KCNQ1: variants seen among roughly 807,000 people sequenced by gnomAD.
The protein encoded by KCNQ1 is potassium voltage-gated channel subfamily KQT member 1.
KCNQ1 carries 49 observed loss-of-function variants against 72.4 expected under a neutral mutation model. That is an observed-to-expected ratio of 0.68 (90% CI 0.54 to 0.86). The LOEUF is 0.86. KCNQ1 is among the 40% of genes least tolerant of loss of function. The pLI, the probability that KCNQ1 is intolerant of heterozygous loss-of-function variation, is 0.00. For synonymous variants in KCNQ1, 450 were observed against 412.6 expected (o/e 1.09, Z -1.10); for missense variants, 790 against 945.1 (o/e 0.84, Z 2.15).
chr11:2,747,277 G>A (rs1011816532), intron 11 of KCNQ1, among the ~76,000 whole-genome samples: 2 of 152,264 alleles, frequency 1.3e-5, no homozygotes, highest in African/African-American at 4.8e-5. Flanking sequence ...TGGGGACTGT[G>A]CAAAGGACAT....
At chr11:2,448,638 G>A (rs920017363) in intron 1 of KCNQ1, among the ~76,000 whole-genome samples, 2 of 152,176 alleles carry the variant, frequency 1.3e-5, no homozygotes, top group African/African-American at 4.8e-5. Flanking sequence ...AGGAGGACGG[G>A]GCTCTCTGAG....
In KCNQ1 at chr11:2,776,932, A is replaced by G; in HGVS notation, c.1686-54A>G. 3.9e-6 allele frequency: 6 copies of G among 1,547,468 alleles called. No individual in the cohort carries two copies. The South Asian group carries it at 5.6e-5, about 14-fold the overall frequency. ...CTGTCTGTCCCACAGACGACAGTGC[A>G]TCTGCGCAGTGCCAGGGCCAGGTGT... On this transcript the variant is annotated intron_variant, in intron 13 of 15. Coordinates refer to ENST00000155840, the MANE Select transcript of KCNQ1 (RefSeq NM_000218.3).
In KCNQ1 at chr11:2,730,330, C is replaced by T. The variant is rs139623079; in HGVS notation, c.1515-38514C>T. Among the ~76,000 whole-genome samples the T allele has an allele frequency of 3.2e-3, 482 of 152,332 alleles. 1 individual carries two copies. The highest frequency in any genetic ancestry group is 0.011 in the African/African-American group (459 of 41,566). On this transcript the variant is annotated intron_variant, in intron 11 of 15. Coordinates refer to ENST00000155840, the MANE Select transcript of KCNQ1 (RefSeq NM_000218.3). ...ACAAACTTAGTGGCTTTAAGTGACA[C>T]GTTTATTATCTAACAGCTCTGGAGG...
chr11:2,503,873 A>C (rs1276028887), intron 1 of KCNQ1, among the ~76,000 whole-genome samples: 3 of 152,178 alleles, frequency 2.0e-5, no homozygotes, highest in Non-Finnish European at 4.4e-5. Context: ...ATCCTTGTAC[A>C]CTGTTGGTGG....
At position 2,593,253 on chromosome 11, in the gene KCNQ1, AG is replaced by A. The variant is rs577835741; in HGVS notation, c.1393+4401del. 3.0e-4 allele frequency among the ~76,000 whole-genome samples: 46 copies of A among 152,282 alleles called. No individual in the cohort carries two copies. Among genetic ancestry groups the A allele is most frequent in the African/African-American group, 1.1e-3 (45 of 41,556 alleles). On this transcript the variant is annotated intron_variant, in intron 10 of 15. Transcript: ENST00000155840. The surrounding 1 kb of genome is among the most constrained non-coding windows in gnomAD (Gnocchi z 6.9). ...CGGAGGTGGCCTCCTGAATGCCCCT[AG>A]GAGGCCAGAGGAGACTTCCCCAAAT...
At chr11:2,618,901 G>T in intron 10 of KCNQ1, 1 of 398,040 alleles carries the variant, frequency 2.5e-6, no homozygotes. Context: ...TCATCTTTTT[G>T]GCTAAATTTA....
intron 11 of KCNQ1, among the ~76,000 whole-genome samples, chr11:2,742,840 C>T (rs1389087830): frequency 6.6e-6 from 1 of 152,138 alleles, no homozygotes; most frequent in Non-Finnish European, 1.5e-5. Flanking sequence ...CTTAGGGACC[C>T]CCGAGTAAGC....
rs1564871698 is a variant in KCNQ1 at position 2,723,083 on chromosome 11, G to A, written c.1515-45761G>A. Among the ~76,000 whole-genome samples, 1 of 152,224 alleles carries A rather than the reference G, an allele frequency of 6.6e-6. No homozygotes were observed. The highest frequency in any genetic ancestry group is 6.5e-5 in the Admixed American group (1 of 15,286). On this transcript the variant is annotated intron_variant, in intron 11 of 15. Coordinates refer to ENST00000155840, the MANE Select transcript of KCNQ1 (RefSeq NM_000218.3). This position sits in a 1 kb window ranked among gnomAD's most constrained non-coding sequence, Gnocchi z 4.2. Reference sequence around the variant, plus strand: ...CAGGGTGGTCTGAGCGGAGAGGACAGGGGGGATCCCAGACGGATCCTGAAA... The same window carrying A: ...CAGGGTGGTCTGAGCGGAGAGGACAAGGGGGATCCCAGACGGATCCTGAAA...
rs1847828416 is a variant in KCNQ1, at chr11:2,541,747, G to GAC, written c.477+13729_477+13730insAC. On this transcript the variant is annotated intron_variant, in intron 2 of 15. Coordinates refer to ENST00000155840, the MANE Select transcript of KCNQ1 (RefSeq NM_000218.3). The surrounding 1 kb of genome is among the most constrained non-coding windows in gnomAD (Gnocchi z 4.8). ...ATGAGGACATCTGTTAGACCACTTAGGAGTTCTAGAACCTTTGGAAAACCC... is the reference window on the plus strand; with the variant it reads ...ATGAGGACATCTGTTAGACCACTTAGACGAGTTCTAGAACCTTTGGAAAACCC... Among the ~76,000 whole-genome samples, 1 of 150,638 alleles carries GAC rather than the reference G, an allele frequency of 6.6e-6. No homozygotes were observed. The highest frequency in any genetic ancestry group is 1.5e-5 in the Non-Finnish European group (1 of 67,840).
intron 10 of KCNQ1, chr11:2,615,007 A>G (rs906402808): frequency 1.3e-5 from 5 of 398,300 alleles, no homozygotes; most frequent in African/African-American, 1.0e-4. Context: ...AACAATATTT[A>G]ATCTTCCAAT....
chr11:2,683,297 A>C lies in KCNQ1; in HGVS notation c.1514+21216A>C. On this transcript the variant is annotated intron_variant, in intron 11 of 15. Coordinates refer to ENST00000155840, the MANE Select transcript of KCNQ1 (RefSeq NM_000218.3). The surrounding 1 kb of genome is among the most constrained non-coding windows in gnomAD (Gnocchi z 4.7). ...TATGGGCAATGGCGTTTTAGTTTGC[A>C]AAACCAGACACATAGAGGCCAGGTT... is the stretch of plus-strand genomic sequence containing the variant. 1 of 398,600 alleles carries C rather than the reference A, an allele frequency of 2.5e-6. No individual in the cohort carries two copies. Among genetic ancestry groups the C allele is most frequent in the East Asian group, 3.6e-5 (1 of 28,074 alleles). The allele number at this position is 398,600 out of a possible 1,614,324, so 24.7% of individuals were successfully genotyped here.
At chr11:2,839,560 G>T (rs895242551) in intron 15 of KCNQ1, among the ~76,000 whole-genome samples, 1 of 152,166 alleles carries the variant, frequency 6.6e-6, no homozygotes, top group Non-Finnish European at 1.5e-5. Flanking sequence ...ATGACGAGGT[G>T]AGGGCTGAGC....
chr11:2,571,466 G>A (rs934847614), intron 4 of KCNQ1, 63 bp downstream of exon 4: 39 of 1,410,472 alleles, frequency 2.8e-5, no homozygotes, highest in South Asian at 4.6e-5. Context: ...CTCCTGAGCC[G>A]CGGGTGGTCT....
chr11:2,588,715 A>G lies in KCNQ1; in HGVS notation c.1254A>G (p.Val418=). ...PSPKPKKSVV[V]KKKKFKLDKD... is the part of the protein sequence containing the mutation. ...ATCTGTTGTCTTGTTTTTTTTAGGT[A>G]AAGAAAAAAAAGTTCAAGCTGGACA... Residue 418 remains valine, a splice_region_variant and synonymous_variant, in exon 10 of 16, where the codon GTA becomes GTG. Coordinates refer to ENST00000155840, the MANE Select transcript of KCNQ1 (RefSeq NM_000218.3). The surrounding 1 kb of genome is among the most constrained non-coding windows in gnomAD (Gnocchi z 5.6). The G allele has an allele frequency of 6.2e-7, 1 of 1,613,324 alleles. No homozygotes were observed. The highest frequency in any genetic ancestry group is 1.1e-5 in the South Asian group (1 of 90,994).
At chr11:2,456,752 T>A (rs1846196240) in intron 1 of KCNQ1, among the ~76,000 whole-genome samples, 2 of 113,604 alleles carry the variant, frequency 1.8e-5, no homozygotes, top group African/African-American at 3.9e-5. Context: ...AAACCCTGTC[T>A]CTACTAAAAA....
intron 10 of KCNQ1, chr11:2,644,706 A>G (rs77048839): frequency 0.013 from 5,108 of 398,424 alleles, 157 homozygotes; most frequent in East Asian, 0.079. Flanking sequence ...TTCCTAAGAG[A>G]GTCTTGTTCC....
chr11:2,807,160 T>C (rs1847391632), intron 15 of KCNQ1, among the ~76,000 whole-genome samples: 1 of 152,220 alleles, frequency 6.6e-6, no homozygotes, highest in African/African-American at 2.4e-5. Context: ...AATTATTCTC[T>C]TGAGGAAAGA....
intron 3 of KCNQ1, 119 bp downstream of exon 3, chr11:2,570,873 G>C: frequency 1.4e-6 from 2 of 1,411,348 alleles, no homozygotes; most frequent in East Asian, 2.3e-5. Flanking sequence ...AGGCCAGCAG[G>C]GGGTGACTGC....
At chr11:2,776,840 C>G (rs1430804761) in intron 13 of KCNQ1, 146 bp from the exon 14 acceptor site, 28 of 780,920 alleles carry the variant, frequency 3.6e-5, no homozygotes, top group Non-Finnish European at 6.7e-6. Context: ...AGTGACCTGG[C>G]AGGCCTTAGG....
Sources: gnomAD v4.1 joint callset for allele counts (sites outside exome capture counted in the v4.1 genomes callset) on GRCh38, gnomAD v4.1.1 for gene constraint, Gnocchi (gnomAD v3.1) non-coding constraint, MANE v1.5 for transcripts, NCBI Gene and HGNC (gene_info 2026-07-23, HGNC 2026-07-21) for gene names.